The following FTO variants were observed in gnomAD, a reference collection of about 807,000 sequenced individuals.
FTO encodes the protein FTO alpha-ketoglutarate dependent dioxygenase.
Under a neutral mutation model 63.9 loss-of-function variants are expected in FTO, and 47 were observed. That is an observed-to-expected ratio of 0.74 (90% CI 0.58 to 0.94). The LOEUF is 0.94. Among genes scored for constraint, FTO ranks in the 40% least tolerant of loss-of-function variants. The pLI is 0.00. For missense variants in FTO, 562 were observed against 618.1 expected (o/e 0.91, Z 0.96); for synonymous variants, 207 against 224.4 (o/e 0.92, Z 0.69).
At chr16:53,975,601 C>A (rs8057547) in intron 8 of FTO, among the ~76,000 whole-genome samples, 96,328 of 151,538 alleles carry the variant, frequency 0.64, 32,360 homozygotes, top group East Asian at 0.85. Flanking sequence ...TAGCATATAC[C>A]GAGTGGCTCC....
At chr16:53,784,904 G>A (rs1365188688) in intron 1 of FTO, among the ~76,000 whole-genome samples, 3 of 152,074 alleles carry the variant, frequency 2.0e-5, no homozygotes, top group African/African-American at 7.2e-5. Flanking sequence ...ATGTGGGAGT[G>A]CAGAGTGGGG....
rs2079002793 is a variant in FTO at position 53,826,252 on chromosome 16, G to A, written c.512G>A (p.Cys171Tyr). The part of the protein sequence containing the change: ...EKANEDAVPL[C>Y]MSADFPRVGM... ...GCTAATGAGGATGCTGTGCCATTGT[G>A]TATGTCTGCAGATTTCCCCAGGGTT... The change falls in exon 3 of 9, where the codon TGT becomes TAT. Residue 171 changes from cysteine (C) to tyrosine (Y), a missense_variant. Physicochemically the swap from Cys to Tyr is radical, Grantham distance 194. Coordinates refer to ENST00000471389, the MANE Select transcript of FTO (RefSeq NM_001080432.3). 2 of 1,614,118 alleles carry A rather than the reference G, an allele frequency of 1.2e-6. No homozygotes were observed. The highest frequency in any genetic ancestry group is 2.2e-5 in the East Asian group (1 of 44,902).
intron 3 of FTO, among the ~76,000 whole-genome samples, chr16:53,843,031 T>C: frequency 6.6e-6 from 1 of 152,356 alleles, no homozygotes; most frequent in South Asian, 2.1e-4. Flanking sequence ...GAAAATATAT[T>C]AGATAGTTCC....
intron 7 of FTO, among the ~76,000 whole-genome samples, chr16:53,905,289 C>A (rs1024006560): frequency 6.6e-6 from 1 of 152,048 alleles, no homozygotes; most frequent in Non-Finnish European, 1.5e-5. Flanking sequence ...GGGTTTGGGC[C>A]CTGACTTCAT....
At chr16:53,748,899 G>A (rs560084853) in intron 1 of FTO, among the ~76,000 whole-genome samples, 83 of 152,118 alleles carry the variant, frequency 5.5e-4, no homozygotes, top group Non-Finnish European at 8.8e-4. Flanking sequence ...CAGTAGCTGG[G>A]ACTACAGGTA....
intron 8 of FTO, among the ~76,000 whole-genome samples, chr16:53,944,450 G>A (rs914671722): frequency 6.6e-6 from 1 of 152,210 alleles, no homozygotes; most frequent in Non-Finnish European, 1.5e-5. Flanking sequence ...AAATTTATAC[G>A]TGAGGATAGG....
chr16:53,958,964 T>C (rs1197107450), intron 8 of FTO, among the ~76,000 whole-genome samples: 1 of 152,188 alleles, frequency 6.6e-6, no homozygotes, highest in Non-Finnish European at 1.5e-5. Flanking sequence ...AAAATCCTCA[T>C]TGAACCCCTA....
At position 54,091,225 on chromosome 16, in the gene FTO, A is replaced by G. The variant is rs117262683; in HGVS notation, c.1365-20537A>G. Among the ~76,000 whole-genome samples, 852 of 152,332 alleles carry G rather than the reference A, an allele frequency of 5.6e-3. 5 individuals carry two copies. The highest frequency in any genetic ancestry group is 0.01 in the Non-Finnish European group (691 of 68,028). On this transcript the variant is annotated intron_variant, in intron 8 of 8. Transcript: ENST00000471389. ...TCCTCATGAAACATTATAGGAAACC[A>G]ACAGATAATATCTAAAATTAATCGA...
At chr16:54,050,392 A>G (rs1174010136) in intron 8 of FTO, among the ~76,000 whole-genome samples, 2 of 152,202 alleles carry the variant, frequency 1.3e-5, no homozygotes, top group African/African-American at 4.8e-5. Flanking sequence ...TTGAAAAAGC[A>G]GAGTGGGTGA....
At chr16:53,885,895 G>A (rs1195811924) in intron 6 of FTO, among the ~76,000 whole-genome samples, 6 of 152,142 alleles carry the variant, frequency 3.9e-5, no homozygotes, top group African/African-American at 9.7e-5. Context: ...GCACAGGCGC[G>A]TGCCACCACA....
Position 53,949,392 on chromosome 16 carries a change from G to A in FTO, c.1364+15283G>A, listed in dbSNP as rs541644129. Among the ~76,000 whole-genome samples, 22 of 152,326 alleles carry A rather than the reference G, an allele frequency of 1.4e-4. 1 individual carries two copies. The South Asian group carries it at 4.6e-3, about 32-fold the overall frequency. ...TTGAGCTTCTGGAGAAGAGGAAAATGTAAAAATATTTTTTCCTTTAAGAAA... is the reference window on the plus strand; with the variant it reads ...TTGAGCTTCTGGAGAAGAGGAAAATATAAAAATATTTTTTCCTTTAAGAAA... On this transcript the variant is annotated intron_variant, in intron 8 of 8. Coordinates refer to ENST00000471389, the MANE Select transcript of FTO (RefSeq NM_001080432.3).
intron 8 of FTO, among the ~76,000 whole-genome samples, chr16:54,074,653 T>A (rs2144476924): frequency 1.3e-5 from 2 of 152,256 alleles, no homozygotes; most frequent in South Asian, 4.2e-4. Context: ...TGTTTCCTAT[T>A]TTTTTCCCTA....
At chr16:53,987,099 C>T (rs1294865727) in intron 8 of FTO, among the ~76,000 whole-genome samples, 7 of 151,964 alleles carry the variant, frequency 4.6e-5, no homozygotes, top group African/African-American at 1.7e-4. Context: ...AAAATCGTGC[C>T]AGTCGCTGGA....
intron 8 of FTO, among the ~76,000 whole-genome samples, chr16:53,943,155 C>T (rs2082572634): frequency 6.6e-6 from 1 of 152,114 alleles, no homozygotes; most frequent in African/African-American, 2.4e-5. Flanking sequence ...ATAAAACCTC[C>T]TCAAAAATGT....
intron 1 of FTO, among the ~76,000 whole-genome samples, chr16:53,712,358 T>G (rs1240611816): frequency 6.6e-6 from 1 of 152,188 alleles, no homozygotes; most frequent in Non-Finnish European, 1.5e-5. Context: ...GATTCTACTC[T>G]GTTTTTTTTC....
At chr16:53,764,760 C>A (rs1057372922) in intron 1 of FTO, among the ~76,000 whole-genome samples, 1 of 151,946 alleles carries the variant, frequency 6.6e-6, no homozygotes, top group African/African-American at 2.4e-5. Flanking sequence ...TTCACTGTAG[C>A]CCAGGCTGGA....
chr16:53,798,342 A>C (rs538992847), intron 1 of FTO, among the ~76,000 whole-genome samples: 47 of 152,224 alleles, frequency 3.1e-4, no homozygotes, highest in African/African-American at 1.1e-3. Flanking sequence ...TACAAAAAAA[A>C]CCTGCAGGGA....
intron 1 of FTO, among the ~76,000 whole-genome samples, chr16:53,760,254 GTGTGTGTT>G (rs1567962890): frequency 1.8e-4 from 6 of 32,514 alleles, no homozygotes; most frequent in Non-Finnish European, 2.7e-4. Flanking sequence ...GTGTGTGTGT[GTGTGTGTT>G]TTTTGGAGAC....
At chr16:54,008,135 C>G (rs1338878352) in intron 8 of FTO, among the ~76,000 whole-genome samples, 1 of 152,140 alleles carries the variant, frequency 6.6e-6, no homozygotes, top group African/African-American at 2.4e-5. Context: ...ATAGATTCTC[C>G]ATAAATGTAG....
Sources: allele counts gnomAD v4.1 joint callset (sites outside exome capture counted in the v4.1 genomes callset), GRCh38; gene constraint gnomAD v4.1.1; transcripts MANE v1.5; gene names NCBI Gene and HGNC (gene_info 2026-07-23, HGNC 2026-07-21).